The following NCK2 variants were observed in gnomAD, a reference collection of about 807,000 sequenced individuals.
NCK2 encodes NCK adaptor protein 2.
In NCK2, 16 loss-of-function variants were observed where a neutral mutation model predicts 33.9. The ratio of observed to expected loss-of-function variants is 0.47; its 90% CI spans 0.32 to 0.72. The LOEUF is 0.72. Among genes scored for constraint, NCK2 ranks in the 30% least tolerant of loss-of-function variants. The pLI, the probability that NCK2 is intolerant of heterozygous loss-of-function variation, is 0.03. For missense variants in NCK2, 418 were observed against 537.3 expected, an observed-to-expected ratio of 0.78 and a Z score of 2.19; for synonymous variants, 273 against 239.9, an observed-to-expected ratio of 1.14 and a Z score of -1.27.
intron 3 of NCK2, among the ~76,000 whole-genome samples, chr2:105,874,629 T>C (rs536494358): frequency 6.6e-6 from 1 of 152,368 alleles, no homozygotes; most frequent in East Asian, 1.9e-4. Context: ...TGAATATGTT[T>C]CCAAAGTACC....
At chr2:105,744,815 G>C (rs991558705), upstream of NCK2, 2 of 151,024 alleles carry the variant, frequency 1.3e-5, no homozygotes, top group Non-Finnish European at 1.5e-5. Flanking sequence ...AGGAGCGCGG[G>C]AGGAGGAGGA....
chr2:105,855,344 C>T (rs1677216752), intron 3 of NCK2, 55 bp downstream of exon 3: 10 of 1,304,814 alleles, frequency 7.7e-6, no homozygotes, highest in South Asian at 4.7e-5. Context: ...GGACACTGTT[C>T]GTCTTTCTAG....
At chr2:105,892,894 T>C in intron 4 of NCK2, 88 bp from the exon 5 acceptor site, 6 of 1,122,422 alleles carry the variant, frequency 5.3e-6, no homozygotes, top group Non-Finnish European at 7.5e-6. Context: ...ATGGGTGGTT[T>C]GGATTTAGAC....
chr2:105,763,685 G>C (rs1689839536), intron 1 of NCK2, among the ~76,000 whole-genome samples: 1 of 152,188 alleles, frequency 6.6e-6, no homozygotes, highest in South Asian at 2.1e-4. Flanking sequence ...TCCAGTATCA[G>C]GACAGTGTAA....
At chr2:105,871,434 T>C (rs1262056633) in intron 3 of NCK2, among the ~76,000 whole-genome samples, 5 of 152,128 alleles carry the variant, frequency 3.3e-5, no homozygotes. Context: ...TGGGCTGTGT[T>C]GCCTGCAGTC....
chr2:105,836,399 T>G (rs1046411000), intron 2 of NCK2, among the ~76,000 whole-genome samples: 4 of 152,150 alleles, frequency 2.6e-5, no homozygotes, highest in Non-Finnish European at 2.9e-5. Context: ...CAGTGGTGTC[T>G]GCAAGTGCCT....
At chr2:105,854,891 A>G (rs1677197979) in intron 2 of NCK2, 157 bp from the exon 3 acceptor site, 2 of 588,900 alleles carry the variant, frequency 3.4e-6, no homozygotes, top group African/African-American at 3.7e-5. Context: ...AGCTTGTTGA[A>G]AGAAGGTCAT....
In NCK2 at chr2:105,780,249, A is replaced by T. The variant is rs74662171; in HGVS notation, c.-201+35111A>T. Among the ~76,000 whole-genome samples, 918 of 152,168 alleles carry T rather than the reference A, an allele frequency of 6.0e-3. 16 individuals carry two copies. Among genetic ancestry groups the T allele is most frequent in the African/African-American group, 0.021 (884 of 41,514 alleles). On this transcript the variant is annotated intron_variant, in intron 1 of 4. Coordinates refer to ENST00000233154, the MANE Select transcript of NCK2 (RefSeq NM_003581.5). ...AAAACCATTGCTTCTCAGCATCTAG[A>T]TTAAGTTGGGACCTGATAGTCATAA...
chr2:105,830,513 A>G (rs1040843040), intron 2 of NCK2, among the ~76,000 whole-genome samples: 15 of 152,256 alleles, frequency 9.9e-5, no homozygotes, highest in African/African-American at 2.9e-4. Context: ...TATCTTGGCT[A>G]TTGTGAATAG....
chr2:105,839,548 C>A (rs1302037541), intron 2 of NCK2, among the ~76,000 whole-genome samples: 1 of 152,176 alleles, frequency 6.6e-6, no homozygotes. Context: ...CCCACTTACT[C>A]AGAAGGGCAG....
chr2:105,769,730 C>T (rs865779842), intron 1 of NCK2, among the ~76,000 whole-genome samples: 8 of 152,154 alleles, frequency 5.3e-5, no homozygotes, highest in Non-Finnish European at 1.2e-4. Context: ...TACAGCCAGG[C>T]GGCCACAGGA....
At chr2:105,793,655 C>G (rs115290788) in intron 1 of NCK2, among the ~76,000 whole-genome samples, 5 of 152,320 alleles carry the variant, frequency 3.3e-5, no homozygotes, top group African/African-American at 1.2e-4. Flanking sequence ...ATTTAAGATA[C>G]TTTGTGTGTA....
chr2:105,872,282 C>A (rs548622548), intron 3 of NCK2, among the ~76,000 whole-genome samples: 3 of 152,320 alleles, frequency 2.0e-5, no homozygotes, highest in South Asian at 4.1e-4. Flanking sequence ...CTACCTTCCC[C>A]CCGCCACCAG....
chr2:105,768,798 A>T (rs1223115002), intron 1 of NCK2, among the ~76,000 whole-genome samples: 2 of 152,182 alleles, frequency 1.3e-5, no homozygotes, highest in East Asian at 3.9e-4. Context: ...GTTTTAAAGG[A>T]TGCAACTTAG....
At chr2:105,881,224 C>T (rs964122380) in intron 3 of NCK2, 104 bp from the exon 4 acceptor site, 224 of 1,460,264 alleles carry the variant, frequency 1.5e-4, no homozygotes, top group Non-Finnish European at 2.0e-4. Flanking sequence ...GTGTCGTCCC[C>T]TTGTATTTAA....
intron 2 of NCK2, among the ~76,000 whole-genome samples, chr2:105,839,762 T>G (rs1006057010): frequency 6.6e-6 from 1 of 152,106 alleles, no homozygotes; most frequent in Non-Finnish European, 1.5e-5. Flanking sequence ...CAGCAACAGA[T>G]GGATGACACT....
At chr2:105,887,149 G>A (rs1678754020) in intron 4 of NCK2, among the ~76,000 whole-genome samples, 1 of 152,176 alleles carries the variant, frequency 6.6e-6, no homozygotes, top group South Asian at 2.1e-4. Flanking sequence ...GGCTACCTTA[G>A]ACAACTAGGG....
chr2:105,882,153 G>T (rs1678531256), intron 4 of NCK2, 104 bp downstream of exon 4: 1 of 1,260,104 alleles, frequency 7.9e-7, no homozygotes. Context: ...ACACTAGAAA[G>T]AGCGGGAGAC....
intron 1 of NCK2, among the ~76,000 whole-genome samples, chr2:105,779,661 T>G (rs1690423699): frequency 6.6e-6 from 1 of 152,046 alleles, no homozygotes; most frequent in Admixed American, 6.6e-5. Flanking sequence ...GGGAGACGTA[T>G]GCAGGTGGAG....
Sources: allele counts gnomAD v4.1 joint callset (sites outside exome capture counted in the v4.1 genomes callset), GRCh38; gene constraint gnomAD v4.1.1; transcripts MANE v1.5; gene names NCBI Gene and HGNC (gene_info 2026-07-23, HGNC 2026-07-21).